Variants in GABRA3 observed in about 807,000 individuals in gnomAD.
GABRA3 encodes the protein gamma-aminobutyric acid receptor subunit alpha-3.
Under a neutral mutation model 30.1 loss-of-function variants are expected in GABRA3, and 10 were observed. That is an observed-to-expected ratio of 0.33 (90% CI 0.20 to 0.56). The LOEUF is 0.56. GABRA3 is among the 20% of genes least tolerant of loss of function. The pLI is 0.89. For missense variants in GABRA3, 233 were observed against 392.0 expected (o/e 0.59, Z 3.42); for synonymous variants, 151 against 146.8 (o/e 1.03, Z -0.21).
At chrX:152,348,757 A>G (rs1182651656) in intron 2 of GABRA3, among the ~76,000 whole-genome samples, 1 of 112,363 alleles carries the variant, frequency 8.9e-6, no homozygotes, top group African/African-American at 3.2e-5. Context: ...TTAAGTGTTC[A>G]ATAGCATTAT....
intron 1 of GABRA3, among the ~76,000 whole-genome samples, chrX:152,366,207 A>G (rs1234149192): frequency 8.9e-6 from 1 of 112,044 alleles, no homozygotes; most frequent in Non-Finnish European, 1.9e-5. Context: ...AGCAGACCTT[A>G]ATGTTGTGTA....
In GABRA3 at chrX:152,203,426, C is replaced by T. The variant is rs772248341; in HGVS notation, c.778+4575G>A. Among the ~76,000 whole-genome samples, 15 of 112,057 alleles carry T rather than the reference C, an allele frequency of 1.3e-4. No individual in the cohort carries two copies. The East Asian group carries it at 4.0e-3, about 30-fold the overall frequency. Reference sequence around the variant, plus strand: ...ACAAATGTCCCTTGCTGGTTTTGAGCTTTTTAAATCAATCTATAGAGAAAG... The same window carrying T: ...ACAAATGTCCCTTGCTGGTTTTGAGTTTTTTAAATCAATCTATAGAGAAAG... On this transcript the variant is annotated intron_variant, in intron 7 of 9. Transcript: ENST00000370314.
chrX:152,361,636 G>GTT (rs1201591314), intron 2 of GABRA3, among the ~76,000 whole-genome samples: 1 of 101,903 alleles, frequency 9.8e-6, no homozygotes, highest in Non-Finnish European at 2.0e-5. Flanking sequence ...ATTTTTTGTG[G>GTT]TTTTTTTTTT....
rs953217417 is a variant in GABRA3, at chrX:152,314,018, G to A, written c.263-29283C>T. Among the ~76,000 whole-genome samples the A allele has an allele frequency of 4.5e-5, 5 of 111,357 alleles. No individual in the cohort carries two copies. The Admixed American group carries it at 4.8e-4, about 11-fold the overall frequency. ...TCAAGCTCCTTGCCCAGGATGCAAT[G>A]AGTCCCAGGAAAGGAAGATATCATG... is the stretch of plus-strand genomic sequence containing the variant. On this transcript the variant is annotated intron_variant, in intron 3 of 9. Coordinates refer to ENST00000370314, the MANE Select transcript of GABRA3 (RefSeq NM_000808.4).
At chrX:152,170,408 G>A (rs2124322862) in intron 9 of GABRA3, among the ~76,000 whole-genome samples, 1 of 112,400 alleles carries the variant, frequency 8.9e-6, no homozygotes, top group Non-Finnish European at 1.9e-5. Flanking sequence ...TGAACTCCTG[G>A]GCTCAAGTGA....
intron 3 of GABRA3, among the ~76,000 whole-genome samples, chrX:152,309,548 C>T (rs1390521993): frequency 1.8e-5 from 2 of 111,029 alleles, no homozygotes; most frequent in Non-Finnish European, 1.9e-5. Context: ...CAAATTAAGC[C>T]TCATTAGCAA....
rs1228389969 is a variant in GABRA3 at position 152,168,144 on chromosome X, T to C, written c.*84A>G. On this transcript the variant is annotated 3_prime_UTR_variant, in exon 10 of 10. Coordinates refer to ENST00000370314, the MANE Select transcript of GABRA3 (RefSeq NM_000808.4). Reference sequence around the variant, plus strand: ...AGGGGTAAAAAGGAGAATCCTGAAATACGCGAAGGGGAGCCCCGGGGTTTG... The same window carrying C: ...AGGGGTAAAAAGGAGAATCCTGAAACACGCGAAGGGGAGCCCCGGGGTTTG... The C allele has an allele frequency of 2.7e-6, 2 of 742,261 alleles. No homozygotes were observed. The highest frequency in any genetic ancestry group is 6.4e-5 in the East Asian group (2 of 31,250). The allele number at this position is 742,261 out of a possible 1,213,427, so 61.2% of individuals were successfully genotyped here.
intron 3 of GABRA3, among the ~76,000 whole-genome samples, chrX:152,307,178 G>A: frequency 9.0e-6 from 1 of 111,508 alleles, no homozygotes; most frequent in Non-Finnish European, 1.9e-5. Context: ...GTGAAATGGG[G>A]ATATCAATAC....
intron 4 of GABRA3, among the ~76,000 whole-genome samples, chrX:152,269,061 T>C: frequency 8.9e-6 from 1 of 112,033 alleles, no homozygotes; most frequent in Non-Finnish European, 1.9e-5. Context: ...TTGTTGCCTA[T>C]GGAGCATCAT....
At chrX:152,312,893 C>T (rs1939819625) in intron 3 of GABRA3, among the ~76,000 whole-genome samples, 1 of 111,644 alleles carries the variant, frequency 9.0e-6, no homozygotes, top group East Asian at 2.8e-4. Context: ...CTCAACATCA[C>T]TAATCATTGG....
At chrX:152,322,898 GC>G (rs1429835405) in intron 3 of GABRA3, among the ~76,000 whole-genome samples, 1 of 90,481 alleles carries the variant, frequency 1.1e-5, no homozygotes, top group Non-Finnish European at 2.1e-5. Flanking sequence ...CTGTCACCAG[GC>G]TGGAGTGCAG....
At chrX:152,182,713 CATATATAGGTATAG>C (rs1358186330) in intron 9 of GABRA3, among the ~76,000 whole-genome samples, 2 of 1,597 alleles carry the variant, frequency 1.3e-3, no homozygotes, top group Admixed American at 0.013. Flanking sequence ...TGTATATATA[CATATATAGGTATAG>C]TGTATATATA....
intron 4 of GABRA3, among the ~76,000 whole-genome samples, chrX:152,284,176 C>A (rs1227498750): frequency 9.0e-6 from 1 of 111,375 alleles, no homozygotes; most frequent in Non-Finnish European, 1.9e-5. Context: ...AGAATAGTTT[C>A]CAGAAGTGAT....
rs143899100 is a variant in GABRA3 at position 152,273,019 on chromosome X, G to A, written c.330+11649C>T. 2.6e-3 allele frequency among the ~76,000 whole-genome samples: 292 copies of A among 111,335 alleles called. 2 individuals are homozygous for A. The highest frequency in any genetic ancestry group is 9.1e-3 in the African/African-American group (280 of 30,655). On this transcript the variant is annotated intron_variant, in intron 4 of 9. Transcript: ENST00000370314. ...CAGTTCTTTATAGCAGCAGGAGAATGGACTAACACACCATCTGACAAGGGA... is the reference window on the plus strand; with the variant it reads ...CAGTTCTTTATAGCAGCAGGAGAATAGACTAACACACCATCTGACAAGGGA...
chrX:152,307,374 A>C (rs1173924521), intron 3 of GABRA3, among the ~76,000 whole-genome samples: 1 of 112,110 alleles, frequency 8.9e-6, no homozygotes, highest in Admixed American at 9.5e-5. Context: ...TCTGTGAAAT[A>C]TTCTAAATAT....
chrX:152,199,272 A>G (rs1392982175), intron 7 of GABRA3, among the ~76,000 whole-genome samples: 4 of 105,476 alleles, frequency 3.8e-5, no homozygotes, highest in Non-Finnish European at 8.0e-5. Flanking sequence ...AGGCTGAGGC[A>G]GGAGAATGGC....
chrX:152,383,167 A>G (rs986719720), intron 1 of GABRA3, among the ~76,000 whole-genome samples: 1 of 109,307 alleles, frequency 9.1e-6, no homozygotes, highest in Non-Finnish European at 1.9e-5. Flanking sequence ...CAGGCAGATC[A>G]TGAGGTCAGG....
intron 2 of GABRA3, among the ~76,000 whole-genome samples, chrX:152,361,565 C>T (rs1928504203): frequency 1.1e-5 from 1 of 90,699 alleles, no homozygotes; most frequent in African/African-American, 4.4e-5. Flanking sequence ...GAGTGAGACT[C>T]CATCTCAAAA....
In GABRA3 at chrX:152,167,762, G is replaced by C. The variant is rs201648821; in HGVS notation, c.*466C>G. Reference sequence around the variant, plus strand: ...TGCCTAGTAGGCCTTGCTGAAGGCAGGGGAGGTGGCACGCAGGATCACATG... The same window carrying C: ...TGCCTAGTAGGCCTTGCTGAAGGCACGGGAGGTGGCACGCAGGATCACATG... On this transcript the variant is annotated 3_prime_UTR_variant, in exon 10 of 10. Coordinates refer to ENST00000370314, the MANE Select transcript of GABRA3 (RefSeq NM_000808.4). 9.5e-5 allele frequency: 12 copies of C among 126,872 alleles called. No homozygotes were observed. The Admixed American group carries it at 9.6e-4, about 10-fold the overall frequency. The allele number at this position is 126,872 out of a possible 1,213,427, so 10.5% of individuals were successfully genotyped here. A position where few individuals can be genotyped will look rare whatever the true frequency, so the allele number is the denominator to read the frequency against.
Sources: gnomAD v4.1 joint callset for allele counts (sites outside exome capture counted in the v4.1 genomes callset) on GRCh38, gnomAD v4.1.1 for gene constraint, MANE v1.5 for transcripts, NCBI Gene and HGNC (gene_info 2026-07-23, HGNC 2026-07-21) for gene names.